The following DENND4A variants were observed in gnomAD, a reference collection of about 807,000 sequenced individuals.
DENND4A encodes the protein C-myc promoter-binding protein.
DENND4A carries 70 observed loss-of-function variants against 199.3 expected under a neutral mutation model. That is an observed-to-expected ratio of 0.35 (90% confidence interval 0.29 to 0.43). The LOEUF (loss-of-function observed/expected upper bound fraction) is 0.43, where lower values mean the gene tolerates loss of function less well. DENND4A is among the 20% of genes least tolerant of loss of function. The pLI, the probability that DENND4A is intolerant of heterozygous loss-of-function variation, is 1.00. For synonymous variants in DENND4A, 686 were observed against 766.9 expected (o/e 0.89, Z 1.74); for missense variants, 1,723 against 2,255.8 (o/e 0.76, Z 4.78).
At chr15:65,741,631 G>T in intron 5 of DENND4A, 84 bp downstream of exon 5, 1 of 1,095,860 alleles carries the variant, frequency 9.1e-7, no homozygotes, top group South Asian at 1.4e-5. Context: ...TACTAACACA[G>T]ACTAGGCAGG....
At chr15:65,778,681 G>A (rs1433710873) in intron 1 of DENND4A, among the ~76,000 whole-genome samples, 5 of 151,468 alleles carry the variant, frequency 3.3e-5, no homozygotes, top group East Asian at 3.9e-4. Context: ...GGCGGATCAC[G>A]AGGTCAGGAG....
intron 4 of DENND4A, among the ~76,000 whole-genome samples, chr15:65,751,449 G>A (rs2076560301): frequency 6.6e-6 from 1 of 152,180 alleles, no homozygotes; most frequent in East Asian, 1.9e-4. Context: ...AAGGGATGAT[G>A]AATTAGAGAA....
At chr15:65,767,517 A>C (rs2077018206) in intron 1 of DENND4A, 1 of 152,278 alleles carries the variant, frequency 6.6e-6, no homozygotes, top group South Asian at 2.1e-4. Context: ...ATTATAGCTC[A>C]TTGCAGCCTC....
chr15:65,661,860 A>C lies in DENND4A; in HGVS notation c.5715T>G (p.Pro1905=), dbSNP rs2075852541. 1 of 1,607,364 alleles carries C rather than the reference A, an allele frequency of 6.2e-7. No homozygotes were observed. Among genetic ancestry groups the C allele is most frequent in the South Asian group, 1.1e-5 (1 of 89,770 alleles). ...CACATACAAATACATCTTAAAGATA[A>C]GGTTCTCCAAAGGTTTTTCGACATT... The part of the protein sequence containing the change: ...VMECRKTFGE[P]YL The change falls in exon 33 of 33, where the codon CCT becomes CCG. Residue 1905 remains proline (P), a synonymous_variant. Coordinates refer to ENST00000443035, the MANE Select transcript of DENND4A (RefSeq NM_001320835.1).
At chr15:65,762,803 G>A (rs997301290) in intron 1 of DENND4A, among the ~76,000 whole-genome samples, 7 of 151,844 alleles carry the variant, frequency 4.6e-5, no homozygotes, top group South Asian at 2.1e-4. Context: ...ACCATTTTAC[G>A]TAAGGGGCTT....
intron 8 of DENND4A, 91 bp downstream of exon 8, chr15:65,732,661 T>G: frequency 1.3e-6 from 1 of 771,268 alleles, no homozygotes; most frequent in Admixed American, 2.7e-5. Flanking sequence ...TTAGGTTTTT[T>G]TCCTCATTCA....
chr15:65,752,410 C>A lies in DENND4A; in HGVS notation c.530G>T (p.Cys177Phe). The A allele has an allele frequency of 6.3e-7, 1 of 1,597,072 alleles. No individual in the cohort carries two copies. The highest frequency in any genetic ancestry group is 8.5e-7 in the Non-Finnish European group (1 of 1,169,686). ...GTTATTGAGATTCTTGTCGACTTTG[C>A]AGAACGTGTGTGGTGGGCTTTCTCC... is the stretch of plus-strand genomic sequence containing the variant. ...SKGESPPHTF[C>F]KVDKNLNNSM... Residue 177 changes from cysteine (C) to phenylalanine (F), a missense_variant, in exon 4 of 33, where the codon TGC becomes TTC. Physicochemically the swap from Cys to Phe is radical, Grantham distance 205. Transcript: ENST00000443035.
chr15:65,675,564 T>TA (rs915458210), intron 24 of DENND4A, among the ~76,000 whole-genome samples: 126 of 139,688 alleles, frequency 9.0e-4, no homozygotes, highest in African/African-American at 1.9e-3. Context: ...CTAAAAACAT[T>TA]AAAAAAAAAA....
chr15:65,785,440 T>C (rs919647590), intron 1 of DENND4A, among the ~76,000 whole-genome samples: 1 of 147,292 alleles, frequency 6.8e-6, no homozygotes, highest in Admixed American at 6.9e-5. Context: ...CAGTGAGCCA[T>C]GATCACATCA....
intron 1 of DENND4A, among the ~76,000 whole-genome samples, chr15:65,783,337 G>A (rs1164497620): frequency 2.6e-5 from 4 of 152,222 alleles, no homozygotes; most frequent in Middle Eastern, 3.2e-3. Context: ...CTCACTTTTG[G>A]AGAGGGAGGT....
chr15:65,729,757 G>A, intron 9 of DENND4A, 79 bp from the exon 10 acceptor site: 1 of 1,278,628 alleles, frequency 7.8e-7, no homozygotes, highest in Non-Finnish European at 1.1e-6. Flanking sequence ...GGCAAAAGTA[G>A]TTGATTAGAG....
Position 65,737,883 on chromosome 15 carries a change from C to A in DENND4A, c.864G>T (p.Gln288His). Residue 288 changes from glutamine (Q) to histidine (H), a missense_variant, in exon 7 of 33, where the codon CAG (glutamine) becomes CAT (histidine). This residue lies in a region of DENND4A where 725 missense variants were observed against 952.9 expected (regional missense o/e 0.76). Transcript: ENST00000443035. Reference protein sequence around the residue: ...PYSEENLTEKQRLLLGLTSAD... With the variant: ...PYSEENLTEKHRLLLGLTSAD... The stretch of plus-strand genomic sequence containing the variant: ...CTGATGTTAAACCCAAAAGAAGTCT[C>A]TGCTTTTCTGTGAGATTCTCCTCAG... 6.2e-7 allele frequency: 1 copy of A among 1,604,458 alleles called. No homozygotes were observed. Among genetic ancestry groups the A allele is most frequent in the East Asian group, 2.2e-5 (1 of 44,668 alleles).
chr15:65,690,617 G>A lies in DENND4A; in HGVS notation c.3977C>T (p.Ser1326Phe). The A allele has an allele frequency of 2.5e-6, 4 of 1,613,660 alleles. No individual in the cohort carries two copies. The highest frequency in any genetic ancestry group is 3.4e-6 in the Non-Finnish European group (4 of 1,179,734). ...TGGGCAAGTAGGTGAGAAGGCTGGA[G>A]AAGACCAAAGTCTATCCCTTGGTTT... is the stretch of plus-strand genomic sequence containing the variant. ...EEKPRDRLWS[S>F]PAFSPTCPFR... is the part of the protein sequence containing the mutation. Residue 1326 changes from serine to phenylalanine, a missense_variant, in exon 23 of 33, where the codon TCT becomes TTT. By Grantham distance (155) the Ser-to-Phe change is radical (BLOSUM62 -2). Transcript: ENST00000443035.
At position 65,772,655 on chromosome 15, in the gene DENND4A, C is replaced by T. The variant is rs1048170793; in HGVS notation, c.-101-11217G>A. 6.2e-5 allele frequency among the ~76,000 whole-genome samples: 8 copies of T among 129,832 alleles called. No individual in the cohort carries two copies. The East Asian group carries it at 1.6e-3, about 25-fold the overall frequency. 85.2% of individuals were successfully genotyped at this position (129,832 alleles called of 152,430 possible). A position where few individuals can be genotyped will look rare whatever the true frequency, so the allele number is the denominator to read the frequency against. The stretch of plus-strand genomic sequence containing the variant: ...CTGGGAGGCGGAGGTTGCAGTGGGC[C>T]GAGATCGAGCCACTGCACTCCAGCC... On this transcript the variant is annotated intron_variant, in intron 1 of 32. Transcript: ENST00000443035.
chr15:65,739,349 G>A lies in DENND4A; in HGVS notation c.632-474C>T, dbSNP rs79208994. 6.6e-3 allele frequency among the ~76,000 whole-genome samples: 1,010 copies of A among 152,230 alleles called. 10 individuals carry two copies. The highest frequency in any genetic ancestry group is 0.023 in the African/African-American group (970 of 41,520). On this transcript the variant is annotated intron_variant, in intron 5 of 32. Coordinates refer to ENST00000443035, the MANE Select transcript of DENND4A (RefSeq NM_001320835.1). The stretch of plus-strand genomic sequence containing the variant: ...GAAAATTTTTCATAAAAATAGAAGA[G>A]TCACATATTTACAATGTCTTAGGAA...
Position 65,737,604 on chromosome 15 carries a change from T to C in DENND4A, c.1040+103A>G, listed in dbSNP as rs146072696. ...ATAAACCATTTTTTTCAAATAACTC[T>C]TGAGAAATCTAGTATCCATATAAAA... On this transcript the variant is annotated intron_variant, in intron 7 of 32. Coordinates refer to ENST00000443035, the MANE Select transcript of DENND4A (RefSeq NM_001320835.1). 667 of 1,180,576 alleles carry C rather than the reference T, an allele frequency of 5.6e-4. 2 individuals are homozygous for C. The African/African-American group carries it at 8.3e-3, about 15-fold the overall frequency. 73.1% of individuals were successfully genotyped at this position (1,180,576 alleles called of 1,614,324 possible). A position where few individuals can be genotyped will look rare whatever the true frequency, so the allele number is the denominator to read the frequency against.
chr15:65,788,297 G>A lies in DENND4A; in HGVS notation c.-102+3713C>T, dbSNP rs549594793. Among the ~76,000 whole-genome samples, 20 of 152,122 alleles carry A rather than the reference G, an allele frequency of 1.3e-4. No homozygotes were observed. In the South Asian group the frequency reaches 2.7e-3, roughly 21 times the overall value. On this transcript the variant is annotated intron_variant, in intron 1 of 32. Transcript: ENST00000443035. ...TCACCGTGTTAGCCAGGATGGTCTC[G>A]ATCTCCTGACCTTGCGATCCGCCCA...
In DENND4A at chr15:65,665,348, G is replaced by A. The variant is rs2075999437; in HGVS notation, c.5356C>T (p.His1786Tyr). Residue 1786 changes from histidine (H) to tyrosine (Y), a missense_variant, in exon 30 of 33, where the codon CAC (histidine) becomes TAC (tyrosine). His to Tyr is a moderately conservative substitution (Grantham distance 83, BLOSUM62 2). Around this residue, in one of 6 missense-constraint regions of DENND4A, gnomAD observed 164 missense variants for 280.1 expected, o/e 0.59. Transcript: ENST00000443035. ...AGCATTCTATGATGGCACTTACTGT[G>A]TGCATTCCAGAGAATGTACAAGGGC... ...GQPLYILWNA[H>Y]TQKYPMVHLL... is the part of the protein sequence containing the mutation. 2 of 1,611,672 alleles carry A rather than the reference G, an allele frequency of 1.2e-6. No homozygotes were observed. The highest frequency in any genetic ancestry group is 1.7e-6 in the Non-Finnish European group (2 of 1,178,084).
intron 1 of DENND4A, among the ~76,000 whole-genome samples, chr15:65,766,962 G>C (rs1410996583): frequency 1.3e-5 from 2 of 152,152 alleles, no homozygotes; most frequent in Non-Finnish European, 2.9e-5. Flanking sequence ...TGAGAATATG[G>C]ATCTGTTCTG....
Sources: gnomAD v4.1 joint callset for allele counts (sites outside exome capture counted in the v4.1 genomes callset) on GRCh38, gnomAD v4.1.1 for gene constraint, gnomAD v4.1.1 regional missense constraint, MANE v1.5 for transcripts, NCBI Gene and HGNC (gene_info 2026-07-23, HGNC 2026-07-21) for gene names.